The following RAB3IL1 variants were observed in gnomAD, a reference collection of about 807,000 sequenced individuals.
The protein encoded by RAB3IL1 is guanine nucleotide exchange factor for Rab-3A.
Under a neutral mutation model 49.2 loss-of-function variants are expected in RAB3IL1, and 37 were observed. The ratio of observed to expected loss-of-function variants is 0.75; its 90% CI spans 0.58 to 0.99. The LOEUF is 0.99. Ranked by LOEUF, RAB3IL1 falls within the 50% of genes least tolerant of loss-of-function variation. The pLI is 0.00. For missense variants in RAB3IL1, 484 were observed against 513.0 expected, an observed-to-expected ratio of 0.94 and a Z score of 0.55; for synonymous variants, 193 against 213.9, an observed-to-expected ratio of 0.90 and a Z score of 0.85.
chr11:61,928,568 C>T, the RAB3IL1 span, among the ~76,000 whole-genome samples: 1 of 150,334 alleles, frequency 6.7e-6, no homozygotes, highest in Non-Finnish European at 1.5e-5. Context: ...TAGGACCCTC[C>T]AACTACATGA....
chr11:61,902,363 C>T, intron 8 of RAB3IL1, 79 bp downstream of exon 8: 2 of 1,222,724 alleles, frequency 1.6e-6, no homozygotes, highest in Non-Finnish European at 2.4e-6. Context: ...GCTATTCATA[C>T]TCCCAGGCCC....
At chr11:61,904,975 G>T in intron 5 of RAB3IL1, 93 bp from the exon 6 acceptor site, 1 of 968,748 alleles carries the variant, frequency 1.0e-6, no homozygotes, top group Non-Finnish European at 1.5e-6. Flanking sequence ...GAGGGAGGAC[G>T]TGGGGCAGGC....
At position 61,904,834 on chromosome 11, in the gene RAB3IL1, T is replaced by G. The variant is rs778699539; in HGVS notation, c.706A>C (p.Thr236Pro). ...AGGAAGGGGCAGGTCTTGTCCAGGG[T>G]GGGGGATTCCCTCCAGGCCTGGAAC... ...AEFQAWRESP[T>P]LDKTCPFLER... The change falls in exon 6 of 10, where the codon ACC (threonine) becomes CCC (proline). Residue 236 changes from threonine to proline, a missense_variant. Coordinates refer to ENST00000394836, the MANE Select transcript of RAB3IL1 (RefSeq NM_013401.4). 8 of 1,608,532 alleles carry G rather than the reference T, an allele frequency of 5.0e-6. No homozygotes were observed. In the South Asian group the frequency reaches 8.8e-5, roughly 18 times the overall value.
the RAB3IL1 span, among the ~76,000 whole-genome samples, chr11:61,940,201 G>T: frequency 1.3e-5 from 2 of 152,094 alleles, no homozygotes; most frequent in African/African-American, 2.4e-5. Context: ...CAGCACTTTG[G>T]GAGGCCGAGG....
rs1275682625 is a variant in RAB3IL1, at chr11:61,906,701, G to A, written c.439-17C>T. 1.3e-6 allele frequency: 2 copies of A among 1,593,750 alleles called. No homozygotes were observed. The highest frequency in any genetic ancestry group is 1.7e-6 in the Non-Finnish European group (2 of 1,170,142). Reference sequence around the variant, plus strand: ...CATGTCGATCTGCATGGGATGGGATGGCTGTCAACCCTCACCCAGACTGGA... The same window carrying A: ...CATGTCGATCTGCATGGGATGGGATAGCTGTCAACCCTCACCCAGACTGGA... On this transcript the variant is annotated splice_polypyrimidine_tract_variant and intron_variant, in intron 4 of 9. Coordinates refer to ENST00000394836, the MANE Select transcript of RAB3IL1 (RefSeq NM_013401.4). This position sits in a 1 kb window ranked among gnomAD's most constrained non-coding sequence, Gnocchi z 4.6.
At chr11:61,934,446 G>GTGTATA in the RAB3IL1 span, among the ~76,000 whole-genome samples, 10 of 24,398 alleles carry the variant, frequency 4.1e-4, no homozygotes, top group African/African-American at 5.7e-4. Context: ...GTGTGTGTGT[G>GTGTATA]TATGTATATA....
At chr11:61,931,261 G>A in the RAB3IL1 span, among the ~76,000 whole-genome samples, 5 of 152,162 alleles carry the variant, frequency 3.3e-5, no homozygotes, top group Admixed American at 3.3e-4. Context: ...AGCTGAATAA[G>A]AGGGTTAAGT....
intron 8 of RAB3IL1, 49 bp from the exon 9 acceptor site, chr11:61,899,429 G>T (rs756036711): frequency 3.8e-6 from 6 of 1,569,244 alleles, no homozygotes. Context: ...CACGCTGGGG[G>T]TCCCCTGACA....
upstream of RAB3IL1, among the ~76,000 whole-genome samples, chr11:61,921,250 C>T (rs1439987343): frequency 1.3e-5 from 2 of 152,162 alleles, no homozygotes; most frequent in African/African-American, 2.4e-5. Flanking sequence ...AACAACTCAG[C>T]GGTAGCAGCT....
the RAB3IL1 span, among the ~76,000 whole-genome samples, chr11:61,934,027 T>C: frequency 6.6e-6 from 1 of 152,078 alleles, no homozygotes; most frequent in Non-Finnish European, 1.5e-5. Flanking sequence ...AAAATGTTAC[T>C]AGAAACTGAA....
the RAB3IL1 span, among the ~76,000 whole-genome samples, chr11:61,934,450 G>GTGTGTGTATGTA: frequency 1.8e-3 from 56 of 31,564 alleles, no homozygotes; most frequent in Non-Finnish European, 2.6e-3. Flanking sequence ...GTGTGTGTAT[G>GTGTGTGTATGTA]TATATATATA....
In RAB3IL1 at chr11:61,907,486, T is replaced by G; in HGVS notation, c.361-16A>C. 1.2e-6 allele frequency: 2 copies of G among 1,614,128 alleles called. No individual in the cohort carries two copies. The highest frequency in any genetic ancestry group is 1.7e-6 in the Non-Finnish European group (2 of 1,179,992). ...TGTGAGCTTCCTAGGAAGAAGGCAG[T>G]CCCTGCGTGAGTGGTGAGGAGCCAA... On this transcript the variant is annotated splice_polypyrimidine_tract_variant and intron_variant, in intron 3 of 9. Transcript: ENST00000394836.
At chr11:61,910,327 T>C (rs1939404022) in intron 1 of RAB3IL1, among the ~76,000 whole-genome samples, 3 of 152,180 alleles carry the variant, frequency 2.0e-5, no homozygotes, top group African/African-American at 7.2e-5. Context: ...TCTGACCCAA[T>C]TCTGGCCCGA....
chr11:61,934,865 C>T, the RAB3IL1 span, among the ~76,000 whole-genome samples: 1 of 151,768 alleles, frequency 6.6e-6, no homozygotes, highest in Non-Finnish European at 1.5e-5. Context: ...GCTAATGAAA[C>T]AAAGACTTTA....
rs761369585 is a variant in RAB3IL1 at position 61,902,553 on chromosome 11, C to G, written c.900-12G>C. The G allele has an allele frequency of 6.2e-5, 98 of 1,588,106 alleles. No individual in the cohort carries two copies. Among genetic ancestry groups the G allele is most frequent in the Non-Finnish European group, 7.9e-5 (92 of 1,169,000 alleles). The stretch of plus-strand genomic sequence containing the variant: ...TCAGGGCACATGTGCTAGGGGAAAG[C>G]AAAATGGGTCACGGGGGCTGGCTGG... On this transcript the variant is annotated splice_polypyrimidine_tract_variant and intron_variant, in intron 7 of 9. Coordinates refer to ENST00000394836, the MANE Select transcript of RAB3IL1 (RefSeq NM_013401.4).
At chr11:61,909,189 C>T (rs1172873294) in intron 1 of RAB3IL1, among the ~76,000 whole-genome samples, 1 of 152,036 alleles carries the variant, frequency 6.6e-6, no homozygotes, top group South Asian at 2.1e-4. Context: ...GCAACCAGGG[C>T]TGGGGATGGG....
At chr11:61,917,598 T>G, upstream of RAB3IL1, 4 of 1,050,102 alleles carry the variant, frequency 3.8e-6, no homozygotes, top group Non-Finnish European at 3.4e-6. Flanking sequence ...CGAGGACACG[T>G]GCCCGGCCCC....
the RAB3IL1 span, among the ~76,000 whole-genome samples, chr11:61,941,075 G>A: frequency 1.1e-4 from 17 of 152,044 alleles, no homozygotes; most frequent in African/African-American, 4.1e-4. Context: ...GTGATAAAGT[G>A]AGATTCTGTT....
chr11:61,917,625 G>C (rs898298105), upstream of RAB3IL1: 1 of 996,712 alleles, frequency 1.0e-6, no homozygotes, highest in Non-Finnish European at 1.2e-6. Context: ...CCGCCGGCCC[G>C]GCGCTGGGAT....
Sources: allele counts gnomAD v4.1 joint callset (sites outside exome capture counted in the v4.1 genomes callset), GRCh38; gene constraint gnomAD v4.1.1; non-coding constraint Gnocchi (gnomAD v3.1); transcripts MANE v1.5; gene names NCBI Gene and HGNC (gene_info 2026-07-23, HGNC 2026-07-21).